The following FNDC3B variants were observed in gnomAD, a reference collection of about 807,000 sequenced individuals.
FNDC3B encodes fibronectin type III domain containing 3B.
FNDC3B carries 12 observed loss-of-function variants against 151.5 expected under a neutral mutation model. The observed-to-expected ratio is 0.08, with a 90% confidence interval of 0.05 to 0.13. FNDC3B has a LOEUF of 0.13. Among genes scored for constraint, FNDC3B ranks in the 10% least tolerant of loss-of-function variants. The pLI is 1.00. For synonymous variants in FNDC3B, 528 were observed against 549.0 expected (o/e 0.96, Z 0.54); for missense variants, 1,214 against 1,505.3 (o/e 0.81, Z 3.20).
intron 4 of FNDC3B, among the ~76,000 whole-genome samples, chr3:172,239,271 CCT>C (rs1253627738): frequency 1.3e-5 from 2 of 152,110 alleles, no homozygotes; most frequent in African/African-American, 2.4e-5. Context: ...CTACCCATCC[CCT>C]GAGTCCATGC....
chr3:172,345,692 C>T (rs1286199051), intron 19 of FNDC3B, among the ~76,000 whole-genome samples: 2 of 152,010 alleles, frequency 1.3e-5, no homozygotes, highest in Non-Finnish European at 2.9e-5. Context: ...TCAAATATGC[C>T]ACCATTAAAA....
chr3:172,140,610 C>T (rs147912329), intron 3 of FNDC3B, among the ~76,000 whole-genome samples: 11 of 152,192 alleles, frequency 7.2e-5, no homozygotes, highest in Non-Finnish European at 1.2e-4. Context: ...CCACCAGGGC[C>T]GGAAAATACT....
chr3:172,288,569 G>A (rs1730142955), intron 7 of FNDC3B, among the ~76,000 whole-genome samples: 1 of 152,208 alleles, frequency 6.6e-6, no homozygotes, highest in Non-Finnish European at 1.5e-5. Flanking sequence ...TGTAGCATAA[G>A]CAGCACATTA....
intron 1 of FNDC3B, among the ~76,000 whole-genome samples, chr3:172,041,877 TAA>T (rs1295991476): frequency 2.6e-5 from 4 of 152,052 alleles, no homozygotes; most frequent in Non-Finnish European, 5.9e-5. Flanking sequence ...TTAACGAGGA[TAA>T]AGTCTCTGGG....
chr3:172,354,309 T>C (rs1733985723), intron 22 of FNDC3B, among the ~76,000 whole-genome samples: 1 of 152,012 alleles, frequency 6.6e-6, no homozygotes, highest in Non-Finnish European at 1.5e-5. Context: ...TAAATCTGAA[T>C]TACATTTTAT....
chr3:172,133,526 G>T lies in FNDC3B; in HGVS notation c.167G>T (p.Gly56Val). The change falls in exon 3 of 26, where the codon GGA becomes GTA. Residue 56 changes from glycine to valine, a missense_variant. By Grantham distance (109) the Gly-to-Val change is moderately radical. Coordinates refer to ENST00000415807, the MANE Select transcript of FNDC3B (RefSeq NM_022763.4). ...GETFTIRAED[G>V]TLQCIQGPAE... ...ACTTTCACAATAAGAGCAGAGGATG[G>T]AACACTTCAGTGCATTCAAGGTAAG... is the stretch of plus-strand genomic sequence containing the variant. 6.2e-7 allele frequency: 1 copy of T among 1,612,006 alleles called. No individual in the cohort carries two copies. The highest frequency in any genetic ancestry group is 1.1e-5 in the South Asian group (1 of 90,984).
chr3:172,306,398 T>C (rs1201675728), intron 9 of FNDC3B, among the ~76,000 whole-genome samples: 1 of 152,204 alleles, frequency 6.6e-6, no homozygotes, highest in Admixed American at 6.5e-5. Context: ...CTGCAATGGG[T>C]AATAAGATTT....
intron 16 of FNDC3B, 88 bp from the exon 17 acceptor site, chr3:172,341,025 A>G (rs1201624220): frequency 1.2e-6 from 1 of 868,310 alleles, no homozygotes; most frequent in East Asian, 2.4e-5. Flanking sequence ...GGTTTTCATG[A>G]AAACATAGAG....
At chr3:172,357,891 C>G (rs567994719) in intron 22 of FNDC3B, among the ~76,000 whole-genome samples, 2 of 152,292 alleles carry the variant, frequency 1.3e-5, no homozygotes, top group African/African-American at 4.8e-5. Flanking sequence ...ATTTTAGAAT[C>G]TAGGTAGTTG....
At chr3:172,099,875 G>A (rs1011981365) in intron 1 of FNDC3B, among the ~76,000 whole-genome samples, 1 of 152,136 alleles carries the variant, frequency 6.6e-6, no homozygotes, top group African/African-American at 2.4e-5. Flanking sequence ...ATGTTTTTAC[G>A]TATAACTTGC....
In FNDC3B at chr3:172,040,364, G is replaced by T. The variant is rs1006674949; in HGVS notation, c.-29+593G>T. ...GGGCCTCGAACCCGGGGATGCTCGC[G>T]GGGAGGGTCCCGAGCCCGCGCCGGC... On this transcript the variant is annotated intron_variant, in intron 1 of 25. Transcript: ENST00000415807. This position sits in a 1 kb window ranked among gnomAD's most constrained non-coding sequence, Gnocchi z 6.6. Among the ~76,000 whole-genome samples the T allele has an allele frequency of 6.6e-6, 1 of 151,934 alleles. No homozygotes were observed. Among genetic ancestry groups the T allele is most frequent in the Admixed American group, 6.5e-5 (1 of 15,272 alleles).
At chr3:172,067,672 CA>C (rs924299846) in intron 1 of FNDC3B, among the ~76,000 whole-genome samples, 12 of 151,110 alleles carry the variant, frequency 7.9e-5, no homozygotes, top group African/African-American at 1.2e-4. Context: ...ATCAGTGGAG[CA>C]AAATGTCATC....
At chr3:172,336,539 AT>A (rs1336529789) in intron 15 of FNDC3B, among the ~76,000 whole-genome samples, 3 of 152,208 alleles carry the variant, frequency 2.0e-5, no homozygotes, top group Non-Finnish European at 4.4e-5. Flanking sequence ...GACGTATTCC[AT>A]TTTGATATTT....
At chr3:172,337,476 G>A (rs773577470) in intron 16 of FNDC3B, 75 bp downstream of exon 16, 1 of 885,524 alleles carries the variant, frequency 1.1e-6, no homozygotes, top group East Asian at 2.5e-5. Context: ...TGTCTTTATA[G>A]TAATAGTGAG....
chr3:172,290,799 T>C (rs1217573948), intron 7 of FNDC3B, among the ~76,000 whole-genome samples: 1 of 152,208 alleles, frequency 6.6e-6, no homozygotes, highest in Non-Finnish European at 1.5e-5. Context: ...TCAGTATCCT[T>C]TTTCTTTAAC....
intron 6 of FNDC3B, among the ~76,000 whole-genome samples, chr3:172,258,250 C>T (rs140858702): frequency 5.9e-5 from 9 of 152,242 alleles, no homozygotes; most frequent in East Asian, 3.9e-4. Context: ...TCACATTCCA[C>T]GACATAGACT....
rs961025743 is a variant in FNDC3B, at chr3:172,255,280, T to A, written c.790+3739T>A. Among the ~76,000 whole-genome samples, 16 of 152,142 alleles carry A rather than the reference T, an allele frequency of 1.1e-4. 1 individual carries two copies. The highest frequency in any genetic ancestry group is 1.5e-5 in the Non-Finnish European group (1 of 68,032). On this transcript the variant is annotated intron_variant, in intron 6 of 25. Transcript: ENST00000415807. The stretch of plus-strand genomic sequence containing the variant: ...AAAGTTGCTTCCAGGCTCTTTTTTT[T>A]CTTTTGAGACGGAATTTCACTCTTG...
intron 4 of FNDC3B, among the ~76,000 whole-genome samples, chr3:172,230,647 A>G (rs1726844776): frequency 6.6e-6 from 1 of 152,248 alleles, no homozygotes; most frequent in African/African-American, 2.4e-5. Flanking sequence ...AAGAAATTTA[A>G]AAATGGGCAA....
intron 3 of FNDC3B, among the ~76,000 whole-genome samples, chr3:172,192,074 T>C (rs1032184436): frequency 6.6e-6 from 1 of 152,164 alleles, no homozygotes; most frequent in Non-Finnish European, 1.5e-5. Context: ...AATTTTAAGT[T>C]TACCTGGGAA....
Sources: gnomAD v4.1 joint callset for allele counts (sites outside exome capture counted in the v4.1 genomes callset) on GRCh38, gnomAD v4.1.1 for gene constraint, Gnocchi (gnomAD v3.1) non-coding constraint, MANE v1.5 for transcripts, NCBI Gene and HGNC (gene_info 2026-07-23, HGNC 2026-07-21) for gene names.